The following KDM2B variants were observed in gnomAD, a reference collection of about 807,000 sequenced individuals.
KDM2B encodes lysine demethylase 2B, also known as lysine-specific demethylase 2B.
KDM2B carries 26 observed loss-of-function variants against 150.0 expected under a neutral mutation model. That is an observed-to-expected ratio of 0.17 (90% CI 0.13 to 0.24). The LOEUF (loss-of-function observed/expected upper bound fraction) is 0.24, where lower values mean the gene tolerates loss of function less well. KDM2B is among the 10% of genes least tolerant of loss of function. KDM2B has a pLI of 1.00. For missense variants in KDM2B, 1,265 were observed against 1,816.9 expected (o/e 0.70, Z 5.52); for synonymous variants, 734 against 729.5 (o/e 1.01, Z -0.10).
At chr12:121,482,627 A>G (rs1882285219) in intron 12 of KDM2B, among the ~76,000 whole-genome samples, 1 of 152,158 alleles carries the variant, frequency 6.6e-6, no homozygotes. Context: ...ATGAGCATTC[A>G]TTTAACATCT....
At position 121,532,905 on chromosome 12, in the gene KDM2B, C is replaced by T; in HGVS notation, c.832G>A (p.Val278Met). The T allele has an allele frequency of 1.9e-6, 3 of 1,614,226 alleles. No individual in the cohort carries two copies. Among genetic ancestry groups the T allele is most frequent in the Non-Finnish European group, 2.5e-6 (3 of 1,180,040 alleles). Residue 278 changes from valine to methionine, a missense_variant, in exon 8 of 23, where the codon GTG becomes ATG. Val to Met is a conservative substitution (Grantham distance 21). Transcript: ENST00000377071. ...LHNLALYEEWVLSGKQSDIFL... is the reference protein window; with the variant it reads ...LHNLALYEEWMLSGKQSDIFL... ...ATGTCACTCTGTTTGCCTGACAGCA[C>T]CCACTCCTCGTACAGCGCCAAATTG...
chr12:121,414,960 G>C, the KDM2B span, among the ~76,000 whole-genome samples: 35 of 152,218 alleles, frequency 2.3e-4, no homozygotes, highest in African/African-American at 7.2e-4. Context: ...GCTGGGCATG[G>C]TGGCGGATGC....
rs577087227 is a variant in KDM2B at position 121,574,459 on chromosome 12, T to C, written c.397+88A>G. The C allele has an allele frequency of 3.1e-6, 4 of 1,292,174 alleles. No homozygotes were observed. The South Asian group carries it at 5.1e-5, about 16-fold the overall frequency. 80.0% of individuals were successfully genotyped at this position (1,292,174 alleles called of 1,614,324 possible). A position where few individuals can be genotyped will look rare whatever the true frequency, so the allele number is the denominator to read the frequency against. On this transcript the variant is annotated intron_variant, in intron 4 of 22. Transcript: ENST00000377071. Reference sequence around the variant, plus strand: ...GTGGGGACTTTGTTTTGAGAGGCAGTTAAAAGTCTAAATGGGCAGGTGGTG... The same window carrying C: ...GTGGGGACTTTGTTTTGAGAGGCAGCTAAAAGTCTAAATGGGCAGGTGGTG...
intron 12 of KDM2B, among the ~76,000 whole-genome samples, chr12:121,461,868 A>G (rs912197523): frequency 4.6e-5 from 7 of 152,220 alleles, no homozygotes; most frequent in African/African-American, 1.7e-4. Flanking sequence ...GACTGAAAAC[A>G]TTCAACCGGC....
the KDM2B span, chr12:121,423,824 A>C: frequency 2.3e-6 from 1 of 439,096 alleles, no homozygotes; most frequent in Non-Finnish European, 4.1e-6. The surrounding 1 kb of genome is among the most constrained non-coding windows in gnomAD (Gnocchi z 4.3). Flanking sequence ...GTGAACACTC[A>C]TTGAAGTCAG....
intron 6 of KDM2B, among the ~76,000 whole-genome samples, chr12:121,541,002 G>A (rs1258735477): frequency 6.6e-6 from 1 of 152,036 alleles, no homozygotes; most frequent in East Asian, 1.9e-4. Context: ...GGAGGCCGAG[G>A]CGGGTGGATC....
At chr12:121,420,177 A>C in the KDM2B span, 2 of 1,463,790 alleles carry the variant, frequency 1.4e-6, no homozygotes, top group South Asian at 2.3e-5. Flanking sequence ...ATCAATGACA[A>C]GGTTTTCTCT....
In KDM2B at chr12:121,439,939, G is replaced by A; in HGVS notation, c.3747C>T (p.Asn1249=). ...GGTTGATAGACTGGTCGGTGACGTGGTTACAGTAACTGAGGTGGAGCTTGG... is the reference window on the plus strand; with the variant it reads ...GGTTGATAGACTGGTCGGTGACGTGATTACAGTAACTGAGGTGGAGCTTGG... ...LLSKLHLSYC[N]HVTDQSINLL... is the part of the protein sequence containing the mutation. The change falls in exon 22 of 23, where the codon AAC becomes AAT. Residue 1249 remains asparagine, a synonymous_variant. Transcript: ENST00000377071. The A allele has an allele frequency of 6.2e-7, 1 of 1,614,246 alleles. No homozygotes were observed. Among genetic ancestry groups the A allele is most frequent in the South Asian group, 1.1e-5 (1 of 91,088 alleles).
At chr12:121,489,370 A>C (rs955767277) in intron 12 of KDM2B, among the ~76,000 whole-genome samples, 20 of 151,800 alleles carry the variant, frequency 1.3e-4, no homozygotes, top group African/African-American at 4.6e-4. Context: ...CCTGGGCTTA[A>C]GTGATCCTCC....
In KDM2B at chr12:121,442,527, G is replaced by A; in HGVS notation, c.2914C>T (p.Pro972Ser). Residue 972 changes from proline to serine, a missense_variant, in exon 19 of 23, where the codon CCC (proline) becomes TCC (serine). This residue lies in a region of KDM2B where 418 missense variants were observed against 402.4 expected (regional missense o/e 1.04). Transcript: ENST00000377071. This position sits in a 1 kb window ranked among gnomAD's most constrained non-coding sequence, Gnocchi z 7.7. ...ENSLANENQQ[P>S]IKSEPESEGE... ...TCGCTCTCAGGCTCCGACTTGATGG[G>A]CTGCTGGTTCTCGTTGGCCAGGCTG... is the stretch of plus-strand genomic sequence containing the variant. 6.3e-7 allele frequency: 1 copy of A among 1,599,738 alleles called. No individual in the cohort carries two copies. Among genetic ancestry groups the A allele is most frequent in the Non-Finnish European group, 8.5e-7 (1 of 1,179,880 alleles).
At chr12:121,526,387 A>G (rs139075782) in intron 8 of KDM2B, among the ~76,000 whole-genome samples, 1 of 152,226 alleles carries the variant, frequency 6.6e-6, no homozygotes, top group Non-Finnish European at 1.5e-5. Context: ...TTAAATGAGC[A>G]AATAGTTCTC....
At chr12:121,547,134 CACAGCA>C (rs1555310830) in intron 6 of KDM2B, among the ~76,000 whole-genome samples, 2 of 152,264 alleles carry the variant, frequency 1.3e-5, no homozygotes, top group Middle Eastern at 3.4e-3. Flanking sequence ...CTACGCGAGG[CACAGCA>C]CTTTCTCCAG....
At chr12:121,539,279 G>A (rs1183853363) in intron 6 of KDM2B, among the ~76,000 whole-genome samples, 7 of 123,380 alleles carry the variant, frequency 5.7e-5, no homozygotes, top group Admixed American at 1.1e-4. Context: ...GGTGAATCAC[G>A]ACTGCGCCAC....
At position 121,452,858 on chromosome 12, in the gene KDM2B, G is replaced by A. The variant is rs954707651; in HGVS notation, c.1959+262C>T. The stretch of plus-strand genomic sequence containing the variant: ...CACCCAGAACCGTAATGTTGGCAAC[G>A]GGGTCACAGACAGGACAGGCTGCCT... On this transcript the variant is annotated intron_variant, in intron 13 of 22. Transcript: ENST00000377071. This position sits in a 1 kb window ranked among gnomAD's most constrained non-coding sequence, Gnocchi z 4.4. Among the ~76,000 whole-genome samples, 3 of 152,192 alleles carry A rather than the reference G, an allele frequency of 2.0e-5. No homozygotes were observed. Among genetic ancestry groups the A allele is most frequent in the Admixed American group, 1.3e-4 (2 of 15,284 alleles).
upstream of KDM2B, among the ~76,000 whole-genome samples, chr12:121,582,052 G>A (rs973283907): frequency 1.3e-5 from 2 of 152,210 alleles, no homozygotes; most frequent in African/African-American, 4.8e-5. Flanking sequence ...GCCCACGTTG[G>A]CTGCTGCGTG....
chr12:121,442,486 C>T lies in KDM2B; in HGVS notation c.2955G>A (p.Lys985=). 6.3e-7 allele frequency: 1 copy of T among 1,599,638 alleles called. No individual in the cohort carries two copies. The highest frequency in any genetic ancestry group is 8.5e-7 in the Non-Finnish European group (1 of 1,179,822). ...GACGCTCGCAGATGCCCGGGGGCCG[C>T]TTGGGCTCCTCGCCCTCGCTCTCAG... The part of the protein sequence containing the change: ...SEPESEGEEP[K]RPPGICERPH... Residue 985 remains lysine (K), a synonymous_variant, in exon 19 of 23, where the codon AAG becomes AAA. Coordinates refer to ENST00000377071, the MANE Select transcript of KDM2B (RefSeq NM_032590.5). This position sits in a 1 kb window ranked among gnomAD's most constrained non-coding sequence, Gnocchi z 7.7.
intron 12 of KDM2B, among the ~76,000 whole-genome samples, chr12:121,491,168 G>A (rs1883304076): frequency 6.6e-6 from 1 of 152,170 alleles, no homozygotes; most frequent in Non-Finnish European, 1.5e-5. Flanking sequence ...TCCTCACTGT[G>A]CAATGACAGA....
At chr12:121,504,562 A>G (rs151288219) in intron 11 of KDM2B, among the ~76,000 whole-genome samples, 1 of 152,248 alleles carries the variant, frequency 6.6e-6, no homozygotes, top group South Asian at 2.1e-4. Flanking sequence ...CTACGTTACA[A>G]TGAAATATCT....
chr12:121,541,510 A>G (rs1241565239), intron 6 of KDM2B, among the ~76,000 whole-genome samples: 2 of 151,948 alleles, frequency 1.3e-5, no homozygotes, highest in African/African-American at 4.8e-5. Context: ...GAGAAAAAAA[A>G]AGAAAGCCTT....
Sources: allele counts gnomAD v4.1 joint callset (sites outside exome capture counted in the v4.1 genomes callset), GRCh38; gene constraint gnomAD v4.1.1; regional missense constraint gnomAD v4.1.1; non-coding constraint Gnocchi (gnomAD v3.1); transcripts MANE v1.5; gene names NCBI Gene and HGNC (gene_info 2026-07-23, HGNC 2026-07-21).